The following RPSA2 variants were observed in gnomAD, a reference collection of about 807,000 sequenced individuals.
RPSA2 encodes ribosomal protein SA 2, also known as small ribosomal subunit protein uS2B.
At chr19:23,855,594 T>C in the RPSA2 span, among the ~76,000 whole-genome samples, 1 of 152,014 alleles carries the variant, frequency 6.6e-6, no homozygotes, top group African/African-American at 2.4e-5. Context: ...AGAGTCAGCA[T>C]AGAAATGACA....
the RPSA2 span, among the ~76,000 whole-genome samples, chr19:23,813,890 T>A: frequency 1.3e-5 from 2 of 151,276 alleles, no homozygotes; most frequent in Non-Finnish European, 2.9e-5. Context: ...ACCCGGCTAA[T>A]TTTTGTATTT....
the RPSA2 span, chr19:23,831,540 T>A: frequency 6.4e-6 from 1 of 155,448 alleles, no homozygotes; most frequent in Non-Finnish European, 1.5e-5. Context: ...TTTAAAACTA[T>A]ATCCATGTGA....
chr19:23,799,504 A>C, the RPSA2 span: 1 of 152,286 alleles, frequency 6.6e-6, no homozygotes. Context: ...TTGATGTGAC[A>C]CTAAAGTGCT....
chr19:23,786,658 A>G, the RPSA2 span, among the ~76,000 whole-genome samples: 1 of 152,094 alleles, frequency 6.6e-6, no homozygotes, highest in South Asian at 2.1e-4. Context: ...ACATAACTCA[A>G]TGTCCATCAC....
the RPSA2 span, among the ~76,000 whole-genome samples, chr19:23,847,201 T>G: frequency 6.6e-6 from 1 of 151,892 alleles, no homozygotes; most frequent in Non-Finnish European, 1.5e-5. Flanking sequence ...TTCTACAATT[T>G]TTGTTTCTTT....
At chr19:23,770,649 G>A in the RPSA2 span, among the ~76,000 whole-genome samples, 44 of 152,078 alleles carry the variant, frequency 2.9e-4, no homozygotes, top group Non-Finnish European at 5.3e-4. Context: ...ACGAATCACC[G>A]GTCTCAGCAA....
At chr19:23,802,249 T>C in the RPSA2 span, among the ~76,000 whole-genome samples, 1 of 151,962 alleles carries the variant, frequency 6.6e-6, no homozygotes, top group East Asian at 1.9e-4. Context: ...ATCTTAGGAG[T>C]GAGAGATCAA....
chr19:23,812,394 T>TTTTTTC, the RPSA2 span, among the ~76,000 whole-genome samples: 1 of 147,004 alleles, frequency 6.8e-6, no homozygotes, highest in East Asian at 2.0e-4. Flanking sequence ...TTCTCTTTTT[T>TTTTTTC]TTTTTTTGTT....
the RPSA2 span, among the ~76,000 whole-genome samples, chr19:23,773,278 A>G: frequency 7.6e-5 from 6 of 79,150 alleles, no homozygotes; most frequent in Non-Finnish European, 1.4e-4. Flanking sequence ...ATATATATAT[A>G]TATATATATC....
At chr19:23,776,442 C>T in the RPSA2 span, among the ~76,000 whole-genome samples, 2 of 152,090 alleles carry the variant, frequency 1.3e-5, no homozygotes, top group African/African-American at 4.8e-5. Context: ...TGCCCTCCCC[C>T]CTAGTTTATG....
At chr19:23,785,615 CTGAG>C in the RPSA2 span, among the ~76,000 whole-genome samples, 9 of 152,114 alleles carry the variant, frequency 5.9e-5, no homozygotes, top group Admixed American at 5.2e-4. Context: ...ATATTCCTGG[CTGAG>C]TATTAAAGTG....
At chr19:23,863,313 C>T in the RPSA2 span, among the ~76,000 whole-genome samples, 1 of 152,156 alleles carries the variant, frequency 6.6e-6, no homozygotes, top group Non-Finnish European at 1.5e-5. Flanking sequence ...CCTGTAATCT[C>T]AGCACATTGG....
chr19:23,795,639 C>T, the RPSA2 span, among the ~76,000 whole-genome samples: 1 of 152,062 alleles, frequency 6.6e-6, no homozygotes, highest in Non-Finnish European at 1.5e-5. Context: ...TTGACTTCCT[C>T]TCTGTTTAAG....
chr19:23,801,640 C>G, the RPSA2 span, among the ~76,000 whole-genome samples: 1 of 152,176 alleles, frequency 6.6e-6, no homozygotes, highest in Non-Finnish European at 1.5e-5. Flanking sequence ...AAGCTGTTCA[C>G]TATTGCCAAA....
chr19:23,760,856 G>A, the RPSA2 span, among the ~76,000 whole-genome samples: 1 of 150,850 alleles, frequency 6.6e-6, no homozygotes, highest in Admixed American at 6.6e-5. Flanking sequence ...GCAGAGTTGG[G>A]GTTTTACCAT....
the RPSA2 span, chr19:23,843,161 C>T: frequency 4.8e-5 from 9 of 188,176 alleles, no homozygotes; most frequent in East Asian, 1.2e-3. Flanking sequence ...ATCATGTTAA[C>T]TTTTTTCTAA....
At chr19:23,798,986 A>G in the RPSA2 span, 1 of 152,218 alleles carries the variant, frequency 6.6e-6, no homozygotes, top group East Asian at 1.9e-4. Flanking sequence ...TTCAAAGGCT[A>G]GAAAATTAGA....
At chr19:23,860,011 T>C in the RPSA2 span, among the ~76,000 whole-genome samples, 2 of 152,162 alleles carry the variant, frequency 1.3e-5, no homozygotes, top group South Asian at 2.1e-4. Context: ...AAAGGGAAAA[T>C]GTATTCTATC....
At chr19:23,848,161 G>A in the RPSA2 span, among the ~76,000 whole-genome samples, 1 of 152,126 alleles carries the variant, frequency 6.6e-6, no homozygotes, top group Non-Finnish European at 1.5e-5. Context: ...AGTAAGATAG[G>A]CATAAGAAAT....
Sources: gnomAD v4.1 joint callset for allele counts (sites outside exome capture counted in the v4.1 genomes callset) on GRCh38, gnomAD v4.1.1 for gene constraint, MANE v1.5 for transcripts, NCBI Gene and HGNC (gene_info 2026-07-23, HGNC 2026-07-21) for gene names.